HTR2C: variants seen among roughly 807,000 people sequenced by gnomAD.
The protein encoded by HTR2C is 5-hydroxytryptamine (serotonin) receptor 2C, G protein-coupled.
In HTR2C, 5 loss-of-function variants were observed where a neutral mutation model predicts 21.0. The ratio of observed to expected loss-of-function variants is 0.24; its 90% CI spans 0.12 to 0.50. The LOEUF (loss-of-function observed/expected upper bound fraction) is 0.50, where lower values mean the gene tolerates loss of function less well. HTR2C is among the 20% of genes least tolerant of loss of function. The probability of loss-of-function intolerance (pLI) is 0.98; values close to 1 mark genes in which losing one functional copy is unlikely to be tolerated. For synonymous variants in HTR2C, 150 were observed against 145.3 expected (o/e 1.03, Z -0.23); for missense variants, 271 against 371.2 (o/e 0.73, Z 2.22).
At chrX:114,616,675 T>C (rs1928962142) in intron 2 of HTR2C, among the ~76,000 whole-genome samples, 1 of 112,197 alleles carries the variant, frequency 8.9e-6, no homozygotes, top group African/African-American at 3.2e-5. Context: ...AAGCCTTACT[T>C]ATGCTACCTA....
In HTR2C at chrX:114,703,861, A is replaced by T. The variant is rs1245841624; in HGVS notation, c.-79-22997A>T. On this transcript the variant is annotated intron_variant, in intron 2 of 5. Transcript: ENST00000276198. Reference sequence around the variant, plus strand: ...AGAAGAATCAAATAGACGCAATAAAAAATGATAAAGGGGATATCACCACTG... The same window carrying T: ...AGAAGAATCAAATAGACGCAATAAATAATGATAAAGGGGATATCACCACTG... Among the ~76,000 whole-genome samples, 3 of 110,517 alleles carry T rather than the reference A, an allele frequency of 2.7e-5. No individual in the cohort carries two copies. The East Asian group carries it at 8.6e-4, about 32-fold the overall frequency.
At chrX:114,693,831 G>A (rs182676185) in intron 2 of HTR2C, among the ~76,000 whole-genome samples, 85 of 111,591 alleles carry the variant, frequency 7.6e-4, no homozygotes, top group African/African-American at 2.6e-3. Flanking sequence ...GGAAGAACAG[G>A]GATTATGATC....
chrX:114,773,440 G>A (rs1385073848), intron 4 of HTR2C, among the ~76,000 whole-genome samples: 9 of 111,916 alleles, frequency 8.0e-5, no homozygotes, highest in African/African-American at 2.3e-4. Flanking sequence ...CATTTTATGC[G>A]TCAGTTTTCC....
intron 2 of HTR2C, among the ~76,000 whole-genome samples, chrX:114,645,077 G>A (rs1395934437): frequency 9.0e-6 from 1 of 110,925 alleles, no homozygotes; most frequent in Non-Finnish European, 1.9e-5. Flanking sequence ...AGAAAAGGCA[G>A]CATTTCATAC....
At chrX:114,593,109 T>C (rs1279451469) in intron 1 of HTR2C, among the ~76,000 whole-genome samples, 1 of 112,302 alleles carries the variant, frequency 8.9e-6, no homozygotes, top group Admixed American at 9.5e-5. Context: ...TGTTATAATT[T>C]TGTGTGTGCA....
At chrX:114,744,103 ATAG>A (rs1329438774) in intron 4 of HTR2C, among the ~76,000 whole-genome samples, 10 of 110,666 alleles carry the variant, frequency 9.0e-5, no homozygotes, top group African/African-American at 2.6e-4. Context: ...GATTATCTAG[ATAG>A]TAGTGATAAT....
chrX:114,879,792 A>G (rs1400650978), intron 5 of HTR2C, among the ~76,000 whole-genome samples: 1 of 110,656 alleles, frequency 9.0e-6, no homozygotes, highest in African/African-American at 3.3e-5. Context: ...GCTGAGTAGT[A>G]TTCCATCATA....
In HTR2C at chrX:114,909,566, A is replaced by G. The variant is rs1194905909; in HGVS notation, c.*2151A>G. The G allele has an allele frequency of 3.6e-5, 4 of 112,582 alleles. No individual in the cohort carries two copies. Among genetic ancestry groups the G allele is most frequent in the Admixed American group, 2.8e-4 (3 of 10,557 alleles). The allele number at this position is 112,582 out of a possible 1,213,427, so 9.3% of individuals were successfully genotyped here. On this transcript the variant is annotated 3_prime_UTR_variant, in exon 6 of 6. Transcript: ENST00000276198. ...AGCACATGTTTTACAAAGAAACAAA[A>G]TATAAATCACAGATTTCCAAAAGTA...
chrX:114,899,226 G>T, intron 5 of HTR2C, among the ~76,000 whole-genome samples: 1 of 111,418 alleles, frequency 9.0e-6, no homozygotes, highest in Middle Eastern at 4.6e-3. Flanking sequence ...GCTATCTCAG[G>T]CAGGCTCCAC....
chrX:114,625,540 T>C (rs1341017626), intron 2 of HTR2C, among the ~76,000 whole-genome samples: 2 of 111,095 alleles, frequency 1.8e-5, no homozygotes, highest in Non-Finnish European at 3.8e-5. Flanking sequence ...CCTTCCACCA[T>C]GAGTGGAAGC....
chrX:114,666,449 C>T (rs1931179562), intron 2 of HTR2C, among the ~76,000 whole-genome samples: 1 of 55,661 alleles, frequency 1.8e-5, no homozygotes, highest in Non-Finnish European at 3.7e-5. Flanking sequence ...CTTTCTAAAA[C>T]TTAATTATCT....
intron 5 of HTR2C, among the ~76,000 whole-genome samples, chrX:114,867,601 T>C (rs186721817): frequency 2.0e-3 from 229 of 111,761 alleles, no homozygotes; most frequent in African/African-American, 7.1e-3. Context: ...TCCTGGAGAT[T>C]TTCCCCAATG....
intron 5 of HTR2C, among the ~76,000 whole-genome samples, chrX:114,904,372 G>A (rs782221640): frequency 2.7e-5 from 3 of 111,205 alleles, no homozygotes; most frequent in South Asian, 7.5e-4. Flanking sequence ...TCTCCCTCCC[G>A]TATTATTTTG....
chrX:114,714,652 A>G (rs1231387944), intron 2 of HTR2C, among the ~76,000 whole-genome samples: 1 of 112,399 alleles, frequency 8.9e-6, no homozygotes, highest in African/African-American at 3.2e-5. Context: ...TTGTAACCAA[A>G]CTCAGCTATT....
At chrX:114,588,490 G>A (rs1927496260) in intron 1 of HTR2C, among the ~76,000 whole-genome samples, 2 of 111,728 alleles carry the variant, frequency 1.8e-5, no homozygotes, top group Admixed American at 1.9e-4. Context: ...AGCGTTAATG[G>A]CAAGGTGTGG....
At chrX:114,595,308 C>T (rs148117193) in intron 1 of HTR2C, among the ~76,000 whole-genome samples, 1,313 of 110,691 alleles carry the variant, frequency 0.012, 15 homozygotes, top group African/African-American at 0.041. Flanking sequence ...ACCCCGAACT[C>T]CTGGGCTCAA....
intron 5 of HTR2C, among the ~76,000 whole-genome samples, chrX:114,852,835 T>TG (rs1569499855): frequency 6.5e-5 from 7 of 107,903 alleles, no homozygotes; most frequent in Non-Finnish European, 1.1e-4. Flanking sequence ...TCTTGTGTGT[T>TG]TGTGTGCGCG....
At chrX:114,631,849 A>C (rs1929640013) in intron 2 of HTR2C, among the ~76,000 whole-genome samples, 2 of 110,746 alleles carry the variant, frequency 1.8e-5, no homozygotes, top group South Asian at 3.8e-4. Context: ...GTCCCCACTA[A>C]TCTCTCTCTC....
At chrX:114,586,526 G>A (rs1004228081) in intron 1 of HTR2C, among the ~76,000 whole-genome samples, 2 of 111,501 alleles carry the variant, frequency 1.8e-5, no homozygotes, top group Non-Finnish European at 3.8e-5. Context: ...GATAAGGCTT[G>A]TTGATTGCAA....
Sources: gnomAD v4.1 joint callset for allele counts (sites outside exome capture counted in the v4.1 genomes callset) on GRCh38, gnomAD v4.1.1 for gene constraint, MANE v1.5 for transcripts, NCBI Gene and HGNC (gene_info 2026-07-23, HGNC 2026-07-21) for gene names.